Variants in EPHB4 observed in about 807,000 individuals in gnomAD.
EPHB4 encodes the protein EPH receptor B4.
Under a neutral mutation model 110.6 loss-of-function variants are expected in EPHB4, and 50 were observed. The ratio of observed to expected loss-of-function variants is 0.45; its 90% CI spans 0.36 to 0.57. EPHB4 has a LOEUF of 0.57. EPHB4 is among the 20% of genes least tolerant of loss of function. The pLI, the probability that EPHB4 is intolerant of heterozygous loss-of-function variation, is 0.00. For synonymous variants in EPHB4, 592 were observed against 578.4 expected (o/e 1.02, Z -0.34); for missense variants, 1,128 against 1,382.1 (o/e 0.82, Z 2.91).
At chr7:100,814,122 C>T in intron 8 of EPHB4, 101 bp from the exon 9 acceptor site, 1 of 1,312,854 alleles carries the variant, frequency 7.6e-7, no homozygotes, top group Non-Finnish European at 1.1e-6. Flanking sequence ...AGAACAGGTC[C>T]CCAGTACAGG....
chr7:100,817,372 T>C lies in EPHB4; in HGVS notation c.1423-15A>G, dbSNP rs150852611. 1,274 of 1,540,112 alleles carry C rather than the reference T, an allele frequency of 8.3e-4. 13 individuals carry two copies. The African/African-American group carries it at 0.016, about 20-fold the overall frequency. ...CCCTCGGCGCCCTGTCCGGGAGAGG[T>C]AGTGGGGTGGCCGTCACCCGGGAAC... is the stretch of plus-strand genomic sequence containing the variant. On this transcript the variant is annotated splice_polypyrimidine_tract_variant and intron_variant, in intron 7 of 16. Coordinates refer to ENST00000358173, the MANE Select transcript of EPHB4 (RefSeq NM_004444.5).
At chr7:100,812,481 T>C (rs1373962333) in intron 12 of EPHB4, among the ~76,000 whole-genome samples, 2 of 149,790 alleles carry the variant, frequency 1.3e-5, no homozygotes, top group African/African-American at 2.5e-5. Context: ...ACCAGCTACT[T>C]GGGAGACTGA....
intron 7 of EPHB4, 24 bp downstream of exon 7, chr7:100,818,496 C>T (rs1326311923): frequency 6.2e-7 from 1 of 1,612,700 alleles, no homozygotes; most frequent in African/African-American, 1.3e-5. Flanking sequence ...GCCCACCCAC[C>T]CCAGGGCTGG....
At chr7:100,824,663 C>T (rs879675772) in intron 1 of EPHB4, 15 of 205,904 alleles carry the variant, frequency 7.3e-5, no homozygotes, top group East Asian at 1.3e-4. Flanking sequence ...TCAGCCTCCA[C>T]GTTTCCTCCC....
At chr7:100,808,494 TG>T (rs1329821471) in intron 12 of EPHB4, among the ~76,000 whole-genome samples, 1 of 152,172 alleles carries the variant, frequency 6.6e-6, no homozygotes, top group Non-Finnish European at 1.5e-5. Flanking sequence ...CCCAAGGTGC[TG>T]GGATTACAGG....
intron 9 of EPHB4, 99 bp from the exon 10 acceptor site, chr7:100,813,815 G>C: frequency 6.2e-7 from 1 of 1,605,056 alleles, no homozygotes; most frequent in Non-Finnish European, 8.5e-7. Context: ...AAGATTTCAA[G>C]TAAAAAGAGG....
In EPHB4 at chr7:100,818,544, G is replaced by T; in HGVS notation, c.1398C>A (p.Asp466Glu). 1 of 1,614,066 alleles carries T rather than the reference G, an allele frequency of 6.2e-7. No individual in the cohort carries two copies. The change falls in exon 7 of 17, where the codon GAC (aspartate) becomes GAA (glutamate). Residue 466 changes from aspartate (D) to glutamate (E), a missense_variant. Around this residue, in one of 3 missense-constraint regions of EPHB4, gnomAD observed 728 missense variants for 828.6 expected, o/e 0.88. Transcript: ENST00000358173. ...CCTTCTCATGGTATTTGACCTCGTA[G>T]TCCAGCACAGCCCCACTGGGTGCCC... ...VPRAPSGAVL[D>E]YEVKYHEKGA...
chr7:100,806,457 A>G lies in EPHB4; in HGVS notation c.2447T>C (p.Phe816Ser), dbSNP rs772293299. ...CATGTCCCAGTACGGCCTCTCCCCA[A>G]ATGACATCACCTCCCACATCACAAT... Reference protein sequence around the residue: ...YGIVMWEVMSFGERPYWDMSN... With the variant: ...YGIVMWEVMSSGERPYWDMSN... Residue 816 changes from phenylalanine (F) to serine (S), a missense_variant, in exon 14 of 17, where the codon TTT (phenylalanine) becomes TCT (serine). By Grantham distance (155) the Phe-to-Ser change is radical (BLOSUM62 -2). Coordinates refer to ENST00000358173, the MANE Select transcript of EPHB4 (RefSeq NM_004444.5). 6 of 1,613,874 alleles carry G rather than the reference A, an allele frequency of 3.7e-6. No homozygotes were observed. In the East Asian group the frequency reaches 8.9e-5, roughly 24 times the overall value.
At chr7:100,813,306 GT>G (rs750195537) in intron 10 of EPHB4, 98 bp from the exon 11 acceptor site, 27,709 of 382,546 alleles carry the variant, frequency 0.072, 1 homozygote, top group Middle Eastern at 0.11. Flanking sequence ...TGTCTCCGTG[GT>G]TTTTTTTTTT....
chr7:100,803,116 A>C lies in EPHB4; in HGVS notation c.*345T>G. 1 of 174,072 alleles carries C rather than the reference A, an allele frequency of 5.7e-6. No individual in the cohort carries two copies. 10.8% of individuals were successfully genotyped at this position (174,072 alleles called of 1,614,324 possible). A position where few individuals can be genotyped will look rare whatever the true frequency, so the allele number is the denominator to read the frequency against. On this transcript the variant is annotated 3_prime_UTR_variant, in exon 17 of 17. Coordinates refer to ENST00000358173, the MANE Select transcript of EPHB4 (RefSeq NM_004444.5). ...CAGCCCCCCCACTCTGGAGCTGGCA[A>C]GGGAGTCACACTCTCTTTGGTCTGC...
In EPHB4 at chr7:100,823,875, C is replaced by T. The variant is rs1415549684; in HGVS notation, c.180G>A (p.Val60=). The T allele has an allele frequency of 6.2e-7, 1 of 1,611,418 alleles. No individual in the cohort carries two copies. Among genetic ancestry groups the T allele is most frequent in the Non-Finnish European group, 8.5e-7 (1 of 1,179,108 alleles). ...GGCCCGGGGCACGCTGCACGTCACA[C>T]ACTTCGTAGGTGCGCACGCTGTGCT... The part of the protein sequence containing the change: ...EEQHSVRTYE[V]CDVQRAPGQA... Residue 60 remains valine (V), a synonymous_variant, in exon 3 of 17, where the codon GTG becomes GTA. Coordinates refer to ENST00000358173, the MANE Select transcript of EPHB4 (RefSeq NM_004444.5).
rs1454993062 is a variant in EPHB4 at position 100,822,288 on chromosome 7, C to A, written c.791G>T (p.Gly264Val). 1.3e-6 allele frequency: 2 copies of A among 1,562,786 alleles called. No individual in the cohort carries two copies. Among genetic ancestry groups the A allele is most frequent in the African/African-American group, 1.4e-5 (1 of 73,408 alleles). ...SCAPGFEAAE[G>V]NTKCRACAQG... ...GCTCTCACCTCGGCACTTGGTGTTC[C>A]CCTCAGCTGCCTCGAACCCCGGAGC... Residue 264 changes from glycine (G) to valine (V), a missense_variant, in exon 4 of 17, where the codon GGG becomes GTG. This residue lies in a region of EPHB4 where 728 missense variants were observed against 828.6 expected (regional missense o/e 0.88). Coordinates refer to ENST00000358173, the MANE Select transcript of EPHB4 (RefSeq NM_004444.5). The surrounding 1 kb of genome is among the most constrained non-coding windows in gnomAD (Gnocchi z 4.7).
At chr7:100,816,746 CCT>C (rs981348150) in intron 8 of EPHB4, among the ~76,000 whole-genome samples, 10 of 152,150 alleles carry the variant, frequency 6.6e-5, no homozygotes, top group African/African-American at 2.4e-4. Context: ...TACGTTCTCT[CCT>C]CTCTAGGGCA....
At chr7:100,804,566 C>T (rs995681079) in intron 16 of EPHB4, among the ~76,000 whole-genome samples, 8 of 151,604 alleles carry the variant, frequency 5.3e-5, no homozygotes, top group African/African-American at 1.5e-4. Flanking sequence ...CTGCCCACCT[C>T]GGCCTCCCAA....
At chr7:100,825,755 G>A (rs1488874368) in intron 1 of EPHB4, among the ~76,000 whole-genome samples, 2 of 152,202 alleles carry the variant, frequency 1.3e-5, no homozygotes, top group Admixed American at 6.5e-5. Context: ...TTTGTAAGGC[G>A]CTCAGCACAG....
chr7:100,818,579 C>A lies in EPHB4; in HGVS notation c.1363G>T (p.Ala455Ser). The A allele has an allele frequency of 6.2e-7, 1 of 1,613,870 alleles. No individual in the cohort carries two copies. The highest frequency in any genetic ancestry group is 8.5e-7 in the Non-Finnish European group (1 of 1,180,032). Reference sequence around the variant, plus strand: ...GCCCCACTGGGTGCCCGGGGAACAGCCCAGGCCAGGCTCAAGCTGCTGGGT... The same window carrying A: ...GCCCCACTGGGTGCCCGGGGAACAGACCAGGCCAGGCTCAAGCTGCTGGGT... Reference protein sequence around the residue: ...SSPSSLSLAWAVPRAPSGAVL... With the variant: ...SSPSSLSLAWSVPRAPSGAVL... The change falls in exon 7 of 17, where the codon GCT (alanine) becomes TCT (serine). Residue 455 changes from alanine (A) to serine (S), a missense_variant. Physicochemically the swap from Ala to Ser is moderately conservative, Grantham distance 99 (BLOSUM62 1). Coordinates refer to ENST00000358173, the MANE Select transcript of EPHB4 (RefSeq NM_004444.5).
chr7:100,816,105 G>A (rs1476406230), intron 8 of EPHB4, among the ~76,000 whole-genome samples: 1 of 151,964 alleles, frequency 6.6e-6, no homozygotes, highest in African/African-American at 2.4e-5. Context: ...GGTGGAGCTT[G>A]CGGTGAGCTG....
intron 12 of EPHB4, among the ~76,000 whole-genome samples, chr7:100,807,920 G>A (rs1042013970): frequency 2.0e-5 from 3 of 152,054 alleles, no homozygotes; most frequent in Admixed American, 6.5e-5. Context: ...TTGAGTCACC[G>A]TACCCAGCCT....
intron 1 of EPHB4, among the ~76,000 whole-genome samples, chr7:100,825,925 G>T (rs1359560281): frequency 6.6e-6 from 1 of 152,082 alleles, no homozygotes; most frequent in Non-Finnish European, 1.5e-5. Context: ...CGTTCTCTGA[G>T]CTGGGCAAGC....
Sources: gnomAD v4.1 joint callset for allele counts (sites outside exome capture counted in the v4.1 genomes callset) on GRCh38, gnomAD v4.1.1 for gene constraint, gnomAD v4.1.1 regional missense constraint, Gnocchi (gnomAD v3.1) non-coding constraint, MANE v1.5 for transcripts, NCBI Gene and HGNC (gene_info 2026-07-23, HGNC 2026-07-21) for gene names.